Variants in TSN observed in about 807,000 individuals in gnomAD.
TSN encodes component 3 of promoter of RISC.
In TSN, 5 loss-of-function variants were observed where a neutral mutation model predicts 29.4. That is an observed-to-expected ratio of 0.17 (90% CI 0.09 to 0.36). TSN has a LOEUF of 0.36. TSN is among the 10% of genes least tolerant of loss of function. The pLI, the probability that TSN is intolerant of heterozygous loss-of-function variation, is 1.00. For missense variants in TSN, 159 were observed against 272.8 expected (o/e 0.58, Z 2.94); for synonymous variants, 106 against 102.2 (o/e 1.04, Z -0.23).
Position 121,767,535 on chromosome 2 carries a change from A to G in TSN, c.*2168A>G, listed in dbSNP as rs2074918182. ...GAGAAACCTGGGCTCTGGTTTTAGT[A>G]TACCGGAATTACTTTTTTCCAATTT... On this transcript the variant is annotated 3_prime_UTR_variant, in exon 6 of 6. Coordinates refer to ENST00000389682, the MANE Select transcript of TSN (RefSeq NM_004622.3). The G allele has an allele frequency of 2.0e-5, 3 of 152,114 alleles. No homozygotes were observed. The South Asian group carries it at 6.2e-4, about 31-fold the overall frequency. 9.4% of individuals were successfully genotyped at this position (152,114 alleles called of 1,614,324 possible). A position where few individuals can be genotyped will look rare whatever the true frequency, so the allele number is the denominator to read the frequency against.
chr2:121,763,175 C>G (rs1234369517), intron 5 of TSN, 91 bp downstream of exon 5: 1 of 960,770 alleles, frequency 1.0e-6, no homozygotes, highest in Non-Finnish European at 1.5e-6. Flanking sequence ...CAGAGTCCCG[C>G]TCTGTCGCCT....
In TSN at chr2:121,758,782, A is replaced by G; in HGVS notation, c.233A>G (p.Lys78Arg). ...ACACATCTAACATCTTTGAAGACCA[A>G]ATTTCCTGCTGAACAGTATTACAGG... Reference protein sequence around the residue: ...VKTHLTSLKTKFPAEQYYRFH... With the variant: ...VKTHLTSLKTRFPAEQYYRFH... The change falls in exon 3 of 6, where the codon AAA becomes AGA. Residue 78 changes from lysine to arginine, a missense_variant. Coordinates refer to ENST00000389682, the MANE Select transcript of TSN (RefSeq NM_004622.3). 1 of 1,592,790 alleles carries G rather than the reference A, an allele frequency of 6.3e-7. No individual in the cohort carries two copies. The highest frequency in any genetic ancestry group is 8.5e-7 in the Non-Finnish European group (1 of 1,171,608).
At chr2:121,757,578 G>C (rs568151397) in intron 2 of TSN, 3 of 632,288 alleles carry the variant, frequency 4.7e-6, no homozygotes, top group Non-Finnish European at 7.5e-6. Context: ...CCCATTTCCT[G>C]TTTAGAAAAA....
At chr2:121,762,318 CAG>C (rs1558692227) in intron 4 of TSN, among the ~76,000 whole-genome samples, 1 of 151,934 alleles carries the variant, frequency 6.6e-6, no homozygotes, top group African/African-American at 2.4e-5. Flanking sequence ...TTAGTAGAAA[CAG>C]GGTTTCACCA....
intron 3 of TSN, among the ~76,000 whole-genome samples, chr2:121,759,795 A>G (rs996984665): frequency 3.9e-4 from 60 of 152,368 alleles, no homozygotes; most frequent in African/African-American, 1.4e-3. Flanking sequence ...GGTGGGTAGT[A>G]TAACCTTATG....
chr2:121,757,189 T>G (rs2106451903), intron 1 of TSN, 51 bp from the exon 2 acceptor site: 2 of 1,531,080 alleles, frequency 1.3e-6, no homozygotes, highest in Middle Eastern at 1.7e-4. Flanking sequence ...TGTGTGAGTG[T>G]ATGACAATGA....
intron 3 of TSN, among the ~76,000 whole-genome samples, chr2:121,759,734 G>A (rs1420007255): frequency 6.6e-6 from 1 of 152,128 alleles, no homozygotes; most frequent in African/African-American, 2.4e-5. Context: ...TGAAAAAGAT[G>A]TTCTTTTAAG....
At chr2:121,756,615 G>A (rs2074752516) in intron 1 of TSN, 1 of 1,299,476 alleles carries the variant, frequency 7.7e-7, no homozygotes, top group Non-Finnish European at 1.0e-6. Context: ...TTTTAAAAAT[G>A]AATTAGAGGC....
At position 121,757,225 on chromosome 2, in the gene TSN, T is replaced by C; in HGVS notation, c.67-15T>C. 1 of 1,611,086 alleles carries C rather than the reference T, an allele frequency of 6.2e-7. No homozygotes were observed. The highest frequency in any genetic ancestry group is 1.3e-5 in the African/African-American group (1 of 74,906). ...TTCTGTTGAGTATCTGATTTTTATT[T>C]TTAATTCTCTCTAGGAAATCAGAAA... On this transcript the variant is annotated splice_polypyrimidine_tract_variant and intron_variant, in intron 1 of 5. Transcript: ENST00000389682.
At chr2:121,757,415 A>C (rs1176759860) in intron 2 of TSN, 82 bp downstream of exon 2, 2 of 1,593,634 alleles carry the variant, frequency 1.3e-6, no homozygotes, top group East Asian at 2.3e-5. Context: ...TATAATGAAA[A>C]ATGGCTATCA....
In TSN at chr2:121,755,673, G is replaced by C; in HGVS notation, c.-107G>C. On this transcript the variant is annotated 5_prime_UTR_variant, in exon 1 of 6. Transcript: ENST00000389682. ...GACGGTCGTGGCGTAAGACCGGGGGGACGCGGCGGTAGCGGCGGCCGTTGC... is the reference window on the plus strand; with the variant it reads ...GACGGTCGTGGCGTAAGACCGGGGGCACGCGGCGGTAGCGGCGGCCGTTGC... The C allele has an allele frequency of 1.4e-6, 2 of 1,463,810 alleles. No individual in the cohort carries two copies. Among genetic ancestry groups the C allele is most frequent in the South Asian group, 1.2e-5 (1 of 86,882 alleles). 90.7% of individuals were successfully genotyped at this position (1,463,810 alleles called of 1,614,324 possible).
At chr2:121,762,703 A>G (rs568778187) in intron 4 of TSN, among the ~76,000 whole-genome samples, 3 of 152,182 alleles carry the variant, frequency 2.0e-5, no homozygotes, top group Non-Finnish European at 2.9e-5. Flanking sequence ...TGAAAGTTGC[A>G]AATATCGTAA....
chr2:121,767,366 CG>C lies in TSN; in HGVS notation c.*2003del, dbSNP rs1031291215. The C allele has an allele frequency of 1.8e-4, 28 of 151,946 alleles. No individual in the cohort carries two copies. The highest frequency in any genetic ancestry group is 6.0e-4 in the African/African-American group (25 of 41,354). The allele number at this position is 151,946 out of a possible 1,614,324, so 9.4% of individuals were successfully genotyped here. A position where few individuals can be genotyped will look rare whatever the true frequency, so the allele number is the denominator to read the frequency against. On this transcript the variant is annotated 3_prime_UTR_variant, in exon 6 of 6. Transcript: ENST00000389682. ...AATATTTTTTGAGGCTAAAGAAGAC[CG>C]GGGTGACAAGCAGATACTGCTGTGT...
chr2:121,755,659 C>T lies in TSN; in HGVS notation c.-121C>T. On this transcript the variant is annotated 5_prime_UTR_variant, in exon 1 of 6. Coordinates refer to ENST00000389682, the MANE Select transcript of TSN (RefSeq NM_004622.3). ...CGGAGGACCCTAGCGACGGTCGTGGCGTAAGACCGGGGGGACGCGGCGGTA... is the reference window on the plus strand; with the variant it reads ...CGGAGGACCCTAGCGACGGTCGTGGTGTAAGACCGGGGGGACGCGGCGGTA... 7.4e-7 allele frequency: 1 copy of T among 1,357,910 alleles called. No homozygotes were observed. Among genetic ancestry groups the T allele is most frequent in the Non-Finnish European group, 1.0e-6 (1 of 974,062 alleles). 84.1% of individuals were successfully genotyped at this position (1,357,910 alleles called of 1,614,324 possible).
At chr2:121,764,446 AAAAC>A (rs377022584) in intron 5 of TSN, among the ~76,000 whole-genome samples, 35 of 152,208 alleles carry the variant, frequency 2.3e-4, no homozygotes, top group African/African-American at 7.0e-4. Context: ...CTCTATATTA[AAAAC>A]AAACAAACAA....
At chr2:121,759,399 A>G (rs940792794) in intron 3 of TSN, among the ~76,000 whole-genome samples, 12 of 152,292 alleles carry the variant, frequency 7.9e-5, no homozygotes, top group African/African-American at 2.9e-4. Context: ...ACCTGAGGTC[A>G]GGAGTTTGAG....
rs528845080 is a variant in TSN at position 121,767,028 on chromosome 2, G to A, written c.*1661G>A. 6 of 152,186 alleles carry A rather than the reference G, an allele frequency of 3.9e-5. No homozygotes were observed. Among genetic ancestry groups the A allele is most frequent in the Admixed American group, 6.6e-5 (1 of 15,266 alleles). 9.4% of individuals were successfully genotyped at this position (152,186 alleles called of 1,614,324 possible). ...GCACTGCCAGGATCAAGCATGAAAG[G>A]CTTTTAAATTAGATCATCCCACAGA... is the stretch of plus-strand genomic sequence containing the variant. On this transcript the variant is annotated 3_prime_UTR_variant, in exon 6 of 6. Transcript: ENST00000389682.
At position 121,766,640 on chromosome 2, in the gene TSN, C is replaced by T. The variant is rs1314913191; in HGVS notation, c.*1273C>T. 1.3e-5 allele frequency: 2 copies of T among 152,160 alleles called. No individual in the cohort carries two copies. The highest frequency in any genetic ancestry group is 2.9e-5 in the Non-Finnish European group (2 of 68,036). The allele number at this position is 152,160 out of a possible 1,614,324, so 9.4% of individuals were successfully genotyped here. ...TTCAGGTAGTACTAAGAGTATGTGC[C>T]AGGAAACTCTTGCTATTGAATTGAG... On this transcript the variant is annotated 3_prime_UTR_variant, in exon 6 of 6. Coordinates refer to ENST00000389682, the MANE Select transcript of TSN (RefSeq NM_004622.3).
rs896026025 is a variant in TSN at position 121,755,687 on chromosome 2, G to T, written c.-93G>T. 4.6e-6 allele frequency: 7 copies of T among 1,527,826 alleles called. No individual in the cohort carries two copies. The highest frequency in any genetic ancestry group is 6.3e-6 in the Non-Finnish European group (7 of 1,117,918). The allele number at this position is 1,527,826 out of a possible 1,614,324, so 94.6% of individuals were successfully genotyped here. ...AAGACCGGGGGGACGCGGCGGTAGC[G>T]GCGGCCGTTGCGATTGATTGCGCTG... On this transcript the variant is annotated 5_prime_UTR_variant, in exon 1 of 6. Transcript: ENST00000389682.
Sources: gnomAD v4.1 joint callset for allele counts (sites outside exome capture counted in the v4.1 genomes callset) on GRCh38, gnomAD v4.1.1 for gene constraint, MANE v1.5 for transcripts, NCBI Gene and HGNC (gene_info 2026-07-23, HGNC 2026-07-21) for gene names.